The following EDARADD variants were observed in gnomAD, a reference collection of about 807,000 sequenced individuals.
EDARADD encodes the protein EDAR associated via death domain, also known as ectodysplasin-A receptor-associated adapter protein.
In EDARADD, 20 loss-of-function variants were observed where a neutral mutation model predicts 25.6. That is an observed-to-expected ratio of 0.78 (90% CI 0.55 to 1.14). EDARADD has a LOEUF of 1.14. Ranked by LOEUF, EDARADD falls within the 50% of genes most tolerant of loss-of-function variation. The pLI is 0.00. For synonymous variants in EDARADD, 86 were observed against 94.4 expected, an observed-to-expected ratio of 0.91 and a Z score of 0.52; for missense variants, 225 against 270.1, an observed-to-expected ratio of 0.83 and a Z score of 1.17.
chr1:236,428,627 C>T (rs1169541146), intron 4 of EDARADD, among the ~76,000 whole-genome samples: 1 of 148,922 alleles, frequency 6.7e-6, no homozygotes, highest in Non-Finnish European at 1.5e-5. Flanking sequence ...GGCGGCCGGG[C>T]GGAGACGCTC....
intron 2 of EDARADD, among the ~76,000 whole-genome samples, chr1:236,350,521 C>T (rs1344041106): frequency 1.3e-5 from 2 of 152,186 alleles, no homozygotes; most frequent in Non-Finnish European, 2.9e-5. Flanking sequence ...GTCATCCTCC[C>T]GCCTCGGCCT....
At chr1:236,356,941 G>A (rs1284687375) in intron 3 of EDARADD, among the ~76,000 whole-genome samples, 7 of 151,914 alleles carry the variant, frequency 4.6e-5, no homozygotes, top group South Asian at 2.1e-4. Context: ...AAAATTAGCC[G>A]GGCATGGTGG....
chr1:236,377,814 T>C (rs996079307), intron 3 of EDARADD, among the ~76,000 whole-genome samples: 6 of 151,620 alleles, frequency 4.0e-5, no homozygotes, highest in South Asian at 4.2e-4. Flanking sequence ...GCCAAGATCG[T>C]GCCACTGCAC....
chr1:236,474,440 G>T (rs1659449752), intron 5 of EDARADD, among the ~76,000 whole-genome samples: 1 of 152,118 alleles, frequency 6.6e-6, no homozygotes, highest in Admixed American at 6.6e-5. Flanking sequence ...CTTTGCACCA[G>T]TGGAAAATAT....
At chr1:236,349,638 C>G (rs1666891377) in intron 2 of EDARADD, among the ~76,000 whole-genome samples, 1 of 152,008 alleles carries the variant, frequency 6.6e-6, no homozygotes, top group African/African-American at 2.4e-5. Flanking sequence ...AGGAAATGTT[C>G]AGGTTAAGAT....
In EDARADD at chr1:236,398,136, A is replaced by T. The variant is rs376553928; in HGVS notation, c.61+3631A>T. 6.6e-6 allele frequency among the ~76,000 whole-genome samples: 1 copy of T among 151,744 alleles called. No homozygotes were observed. The highest frequency in any genetic ancestry group is 1.5e-5 in the Non-Finnish European group (1 of 67,964). ...CTTTTATTTTATTTTTATTATTATT[A>T]TTTTTCAAGATGGAGTCTCACTCTG... On this transcript the variant is annotated intron_variant, in intron 1 of 5. Coordinates refer to ENST00000334232, the MANE Select transcript of EDARADD (RefSeq NM_145861.4). This position sits in a 1 kb window ranked among gnomAD's most constrained non-coding sequence, Gnocchi z 4.1.
chr1:236,437,828 G>C (rs1007776834), intron 4 of EDARADD, among the ~76,000 whole-genome samples: 3 of 146,296 alleles, frequency 2.1e-5, no homozygotes, highest in South Asian at 2.2e-4. Context: ...AGCCCACTGC[G>C]ACCTTTGCCT....
At chr1:236,458,130 T>G (rs1015217373) in intron 4 of EDARADD, among the ~76,000 whole-genome samples, 2 of 152,156 alleles carry the variant, frequency 1.3e-5, no homozygotes, top group Non-Finnish European at 2.9e-5. Flanking sequence ...TTATGGAAAA[T>G]TAATTGGGAG....
In EDARADD at chr1:236,357,078, C is replaced by T. The variant is rs568736556; in HGVS notation, c.-6+6239C>T. Among the ~76,000 whole-genome samples the T allele has an allele frequency of 1.0e-4, 15 of 143,498 alleles. 1 individual carries two copies. Among genetic ancestry groups the T allele is most frequent in the African/African-American group, 4.0e-4 (15 of 37,892 alleles). 94.1% of individuals were successfully genotyped at this position (143,498 alleles called of 152,430 possible). Reference sequence around the variant, plus strand: ...CAGCCTGGGCAACAAGAGTGAGGCTCTGTCTCAAATAAAAAATAAAAAAAA... The same window carrying T: ...CAGCCTGGGCAACAAGAGTGAGGCTTTGTCTCAAATAAAAAATAAAAAAAA... On this transcript the variant is annotated intron_variant, in intron 3 of 7. Coordinates refer to the EDARADD transcript ENST00000439430.
intron 4 of EDARADD, among the ~76,000 whole-genome samples, chr1:236,460,956 C>T (rs907312038): frequency 7.9e-5 from 12 of 151,920 alleles, no homozygotes; most frequent in Non-Finnish European, 1.3e-4. Flanking sequence ...AGAATAGCTG[C>T]GATTACAGGC....
chr1:236,407,607 A>G (rs1172457367), intron 1 of EDARADD, among the ~76,000 whole-genome samples: 1 of 140,596 alleles, frequency 7.1e-6, no homozygotes, highest in African/African-American at 3.1e-5. Context: ...CTAGTCTGCA[A>G]TATGTACTTA....
rs563068276 is a variant in EDARADD, at chr1:236,388,559, A to C, written c.-5-20657A>C. Reference sequence around the variant, plus strand: ...CGTCAGATTTCTTTTTATGTTTTTCACTAAAGCTTTGTAGTATTTGCAATA... The same window carrying C: ...CGTCAGATTTCTTTTTATGTTTTTCCCTAAAGCTTTGTAGTATTTGCAATA... On this transcript the variant is annotated intron_variant, in intron 3 of 7. Transcript: ENST00000439430. Among the ~76,000 whole-genome samples, 5 of 152,310 alleles carry C rather than the reference A, an allele frequency of 3.3e-5. No homozygotes were observed. In the South Asian group the frequency reaches 1.0e-3, roughly 32 times the overall value.
intron 3 of EDARADD, among the ~76,000 whole-genome samples, chr1:236,359,871 A>T (rs993731398): frequency 6.6e-6 from 1 of 152,362 alleles, no homozygotes; most frequent in East Asian, 1.9e-4. Flanking sequence ...AAACCATATC[A>T]CCAGCCTCCT....
chr1:236,448,127 G>A (rs185704001), intron 4 of EDARADD, among the ~76,000 whole-genome samples: 3 of 152,196 alleles, frequency 2.0e-5, no homozygotes, highest in African/African-American at 7.2e-5. Flanking sequence ...GAGCCACCGC[G>A]CCTGGCCCAC....
chr1:236,395,508 C>T lies in EDARADD; in HGVS notation c.61+1003C>T. ...GGAGGAGGGCAGGGGCGCGCAGAGC[C>T]ACGGTTTGCTCCAGGCGCGTCGGAA... is the stretch of plus-strand genomic sequence containing the variant. On this transcript the variant is annotated intron_variant, in intron 1 of 5. Coordinates refer to ENST00000334232, the MANE Select transcript of EDARADD (RefSeq NM_145861.4). This position sits in a 1 kb window ranked among gnomAD's most constrained non-coding sequence, Gnocchi z 6.9. 2 of 1,529,370 alleles carry T rather than the reference C, an allele frequency of 1.3e-6. No homozygotes were observed. The highest frequency in any genetic ancestry group is 1.8e-6 in the Non-Finnish European group (2 of 1,142,394). The allele number at this position is 1,529,370 out of a possible 1,614,324, so 94.7% of individuals were successfully genotyped here. A position where few individuals can be genotyped will look rare whatever the true frequency, so the allele number is the denominator to read the frequency against.
intron 4 of EDARADD, among the ~76,000 whole-genome samples, chr1:236,458,641 C>CTTTTTTTTTTT (rs5781887): frequency 1.8e-5 from 2 of 113,538 alleles, no homozygotes; most frequent in Non-Finnish European, 3.6e-5. Flanking sequence ...TTTTCTTTTT[C>CTTTTTTTTTTT]TTTTTTTTTT....
intron 1 of EDARADD, among the ~76,000 whole-genome samples, chr1:236,405,318 C>T (rs1050682747): frequency 6.6e-6 from 1 of 152,336 alleles, no homozygotes; most frequent in African/African-American, 2.4e-5. Context: ...TGTCTTCTGT[C>T]TCTATCTTGT....
intron 3 of EDARADD, among the ~76,000 whole-genome samples, chr1:236,419,400 C>T (rs1657722718): frequency 6.6e-6 from 1 of 152,032 alleles, no homozygotes; most frequent in Admixed American, 6.6e-5. Context: ...CCCATCTCAA[C>T]AAAAACAAAA....
chr1:236,358,486 G>A (rs1348511995), intron 3 of EDARADD, among the ~76,000 whole-genome samples: 1 of 152,038 alleles, frequency 6.6e-6, no homozygotes, highest in Non-Finnish European at 1.5e-5. Flanking sequence ...GATGTTAAGG[G>A]GTCAATTTGA....
Sources: allele counts gnomAD v4.1 joint callset (sites outside exome capture counted in the v4.1 genomes callset), GRCh38; gene constraint gnomAD v4.1.1; non-coding constraint Gnocchi (gnomAD v3.1); transcripts MANE v1.5; gene names NCBI Gene and HGNC (gene_info 2026-07-23, HGNC 2026-07-21).